The following TNS1 variants were observed in gnomAD, a reference collection of about 807,000 sequenced individuals.
TNS1 encodes the protein tensin 1.
TNS1 carries 62 observed loss-of-function variants against 168.6 expected under a neutral mutation model. That is an observed-to-expected ratio of 0.37 (90% CI 0.30 to 0.45). The LOEUF (loss-of-function observed/expected upper bound fraction) is 0.45, where lower values mean the gene tolerates loss of function less well. TNS1 is among the 20% of genes least tolerant of loss of function. TNS1 has a pLI of 1.00. For missense variants in TNS1, 2,240 were observed against 2,339.4 expected (o/e 0.96, Z 0.88); for synonymous variants, 934 against 933.2 (o/e 1.00, Z -0.02).
At position 217,897,910 on chromosome 2, in the gene TNS1, G is replaced by A. The variant is rs1462649785; in HGVS notation, c.431C>T (p.Thr144Ile). The A allele has an allele frequency of 2.5e-6, 4 of 1,613,352 alleles. No individual in the cohort carries two copies. The highest frequency in any genetic ancestry group is 1.7e-5 in the Admixed American group (1 of 59,942). Reference sequence around the variant, plus strand: ...GAAGGAGACAGCGATGATCCTCTCTGTGACGTACACCAGGTCCAGCTCACA... The same window carrying A: ...GAAGGAGACAGCGATGATCCTCTCTATGACGTACACCAGGTCCAGCTCACA... ...DSCELDLVYV[T>I]ERIIAVSFPS... is the part of the protein sequence containing the mutation. Residue 144 changes from threonine (T) to isoleucine (I), a missense_variant, in exon 8 of 33, where the codon ACA becomes ATA. Physicochemically the swap from Thr to Ile is moderately conservative, Grantham distance 89. Around this residue, in one of 2 missense-constraint regions of TNS1, gnomAD observed 2,131 missense variants for 2,171.2 expected, o/e 0.98. Coordinates refer to ENST00000682258, the MANE Select transcript of TNS1 (RefSeq NM_001387777.1).
chr2:217,977,669 T>A (rs1028961293), intron 3 of TNS1, among the ~76,000 whole-genome samples: 7 of 152,212 alleles, frequency 4.6e-5, no homozygotes, highest in African/African-American at 1.7e-4. Flanking sequence ...GTAGGCTTCT[T>A]ATTCCCATAT....
At chr2:217,814,179 A>G (rs1239382621) in intron 25 of TNS1, among the ~76,000 whole-genome samples, 2 of 151,748 alleles carry the variant, frequency 1.3e-5, no homozygotes. Context: ...TGCCTGGCTC[A>G]TTTTCTTTTT....
chr2:217,805,946 C>G (rs1409304434), intron 32 of TNS1, among the ~76,000 whole-genome samples: 1 of 151,908 alleles, frequency 6.6e-6, no homozygotes, highest in Non-Finnish European at 1.5e-5. Flanking sequence ...CTCCTCCAGT[C>G]TTGTTTCAGG....
chr2:217,920,756 C>T (rs1055127364), intron 3 of TNS1, among the ~76,000 whole-genome samples: 4 of 151,982 alleles, frequency 2.6e-5, no homozygotes, highest in East Asian at 3.9e-4. Context: ...GGCACTTTCC[C>T]GGAGCATGCA....
intron 18 of TNS1, among the ~76,000 whole-genome samples, chr2:217,864,642 T>G (rs960571415): frequency 1.3e-5 from 2 of 152,242 alleles, no homozygotes; most frequent in Non-Finnish European, 2.9e-5. Flanking sequence ...AAGTGAGCAC[T>G]GTCCCCATCA....
chr2:217,829,155 C>T (rs1206045329), intron 22 of TNS1, among the ~76,000 whole-genome samples: 10 of 151,758 alleles, frequency 6.6e-5, no homozygotes, highest in Non-Finnish European at 1.5e-4. Context: ...GTGGGTGGAT[C>T]GCCTAAGGTC....
At chr2:217,850,821 A>G (rs879148630) in intron 18 of TNS1, among the ~76,000 whole-genome samples, 18 of 152,200 alleles carry the variant, frequency 1.2e-4, no homozygotes, top group African/African-American at 4.3e-4. Context: ...GCCAAGAACC[A>G]CAGTCAGACA....
chr2:217,850,723 G>T, intron 18 of TNS1: 1 of 519,898 alleles, frequency 1.9e-6, no homozygotes, highest in Non-Finnish European at 2.5e-6. Flanking sequence ...GACACCAGCA[G>T]TCACACACCG....
chr2:217,880,164 G>A lies in TNS1; in HGVS notation c.1429+734C>T, dbSNP rs899985460. 6.6e-6 allele frequency among the ~76,000 whole-genome samples: 1 copy of A among 152,162 alleles called. No homozygotes were observed. The highest frequency in any genetic ancestry group is 2.4e-5 in the African/African-American group (1 of 41,434). The stretch of plus-strand genomic sequence containing the variant: ...CTGGGCATGCTCACTTTCGGAGCCC[G>A]CCCCACGTCTCCTTACACATATGCA... On this transcript the variant is annotated intron_variant, in intron 18 of 32. Coordinates refer to ENST00000682258, the MANE Select transcript of TNS1 (RefSeq NM_001387777.1). The surrounding 1 kb of genome is among the most constrained non-coding windows in gnomAD (Gnocchi z 4.2).
rs1259703443 is a variant in TNS1, at chr2:217,848,005, T to G, written c.2512A>C (p.Asn838His). The G allele has an allele frequency of 1.3e-6, 2 of 1,514,458 alleles. No homozygotes were observed. The highest frequency in any genetic ancestry group is 1.8e-6 in the Non-Finnish European group (2 of 1,129,280). The allele number at this position is 1,514,458 out of a possible 1,614,324, so 93.8% of individuals were successfully genotyped here. Residue 838 changes from asparagine to histidine, a missense_variant, in exon 19 of 33, where the codon AAT becomes CAT. Asn to His is a moderately conservative substitution (Grantham distance 68, BLOSUM62 1). Transcript: ENST00000682258. ...QEIEQSIETL[N>H]MLMLDLEPAS... The stretch of plus-strand genomic sequence containing the variant: ...GGCTCCAGGTCCAGCATCAGCATAT[T>G]GAGTGTTTCGATGGACTGTTCAATC...
In TNS1 at chr2:217,880,764, C is replaced by T. The variant is rs1445410731; in HGVS notation, c.1429+134G>A. The T allele has an allele frequency of 1.3e-5, 9 of 694,810 alleles. No homozygotes were observed. Among genetic ancestry groups the T allele is most frequent in the African/African-American group, 1.8e-5 (1 of 56,462 alleles). 43.0% of individuals were successfully genotyped at this position (694,810 alleles called of 1,614,324 possible). ...CTTCCCCCAGTTAACGGTGAGCTCT[C>T]GGAGGTACCTCACACTTCCCCTCTG... On this transcript the variant is annotated intron_variant, in intron 18 of 32. Transcript: ENST00000682258. The surrounding 1 kb of genome is among the most constrained non-coding windows in gnomAD (Gnocchi z 4.2).
intron 20 of TNS1, among the ~76,000 whole-genome samples, chr2:217,835,663 A>G (rs573835361): frequency 6.6e-6 from 1 of 152,320 alleles, no homozygotes; most frequent in Non-Finnish European, 1.5e-5. Context: ...GAAAAACCTT[A>G]TATCTGCAAA....
In TNS1 at chr2:218,032,425, G is replaced by A. The variant is rs759917104; in HGVS notation, c.156+1395C>T. Among the ~76,000 whole-genome samples, 10 of 152,150 alleles carry A rather than the reference G, an allele frequency of 6.6e-5. No individual in the cohort carries two copies. The highest frequency in any genetic ancestry group is 1.0e-4 in the Non-Finnish European group (7 of 68,024). The stretch of plus-strand genomic sequence containing the variant: ...AGAGGGCTGTGCTGAGGGGACAGGA[G>A]AATAGCGAGGCTGGGTGTGGACACA... On this transcript the variant is annotated intron_variant, in intron 1 of 1. Transcript: ENST00000649572. The surrounding 1 kb of genome is among the most constrained non-coding windows in gnomAD (Gnocchi z 4.0).
chr2:218,000,013 G>A (rs1033816807), intron 1 of TNS1, among the ~76,000 whole-genome samples: 1 of 152,148 alleles, frequency 6.6e-6, no homozygotes, highest in Non-Finnish European at 1.5e-5. Flanking sequence ...GAGTCCCTCT[G>A]GAAGGAAGGG....
At position 217,834,703 on chromosome 2, in the gene TNS1, AG is replaced by A. The variant is rs202166935; in HGVS notation, c.3280+387del. On this transcript the variant is annotated intron_variant, in intron 21 of 32. Coordinates refer to ENST00000682258, the MANE Select transcript of TNS1 (RefSeq NM_001387777.1). ...TGGAATGGAAGAGGTGTCTGGATGCAGGCAGAAATGGAGGTCAGAAACAAAG... is the reference window on the plus strand; with the variant it reads ...TGGAATGGAAGAGGTGTCTGGATGCAGCAGAAATGGAGGTCAGAAACAAAG... Among the ~76,000 whole-genome samples, 538 of 152,346 alleles carry A rather than the reference AG, an allele frequency of 3.5e-3. 2 individuals carry two copies. Among genetic ancestry groups the A allele is most frequent in the African/African-American group, 0.012 (500 of 41,566 alleles).
chr2:217,849,599 T>C (rs1453948458), intron 18 of TNS1: 4 of 961,626 alleles, frequency 4.2e-6, no homozygotes, highest in Non-Finnish European at 4.9e-6. Flanking sequence ...ATCACCATTA[T>C]GAGTATCATT....
At chr2:217,962,670 A>G (rs1957529141) in intron 3 of TNS1, among the ~76,000 whole-genome samples, 1 of 152,238 alleles carries the variant, frequency 6.6e-6, no homozygotes, top group East Asian at 1.9e-4. Flanking sequence ...TAAATGTAGA[A>G]AGAATGATGG....
At chr2:217,835,876 G>T in intron 20 of TNS1, 139 bp downstream of exon 20, 1 of 683,824 alleles carries the variant, frequency 1.5e-6, no homozygotes, top group Middle Eastern at 2.7e-4. Flanking sequence ...TGTCAGAGAA[G>T]AGAGTTTGGG....
Position 217,818,425 on chromosome 2 carries a change from C to A in TNS1, c.3907G>T (p.Ala1303Ser). The A allele has an allele frequency of 6.2e-7, 1 of 1,614,050 alleles. No homozygotes were observed. Among genetic ancestry groups the A allele is most frequent in the Non-Finnish European group, 8.5e-7 (1 of 1,179,966 alleles). The change falls in exon 24 of 33, where the codon GCC becomes TCC. Residue 1303 changes from alanine to serine, a missense_variant. Ala to Ser is a moderately conservative substitution (Grantham distance 99, BLOSUM62 1). Transcript: ENST00000682258. ...GGGGCAGCCATGCTGGGATTGATGG[C>A]CCGCCAGCCGAAGCCAGGACTAGGG... ...TPPSPGFGWR[A>S]INPSMAAPSS... is the part of the protein sequence containing the mutation.
Sources: allele counts gnomAD v4.1 joint callset (sites outside exome capture counted in the v4.1 genomes callset), GRCh38; gene constraint gnomAD v4.1.1; regional missense constraint gnomAD v4.1.1; non-coding constraint Gnocchi (gnomAD v3.1); transcripts MANE v1.5; gene names NCBI Gene and HGNC (gene_info 2026-07-23, HGNC 2026-07-21).